The following TCIRG1 variants were observed in gnomAD, a reference collection of about 807,000 sequenced individuals.
TCIRG1 encodes the protein V-type proton ATPase 116 kDa subunit a 3.
A neutral mutation model predicts 95.5 loss-of-function variants in TCIRG1; 86 were observed. That is an observed-to-expected ratio of 0.90 (90% confidence interval 0.76 to 1.08). The LOEUF (loss-of-function observed/expected upper bound fraction) is 1.08. TCIRG1 is among the 50% of genes least tolerant of loss of function. TCIRG1 has a pLI of 0.00. For missense variants in TCIRG1, 1,069 were observed against 1,140.2 expected (o/e 0.94, Z 0.90); for synonymous variants, 499 against 501.3 (o/e 1.00, Z 0.06).
intron 9 of TCIRG1, 49 bp downstream of exon 9, chr11:68,044,393 G>A (rs928312145): frequency 9.5e-6 from 14 of 1,471,982 alleles, no homozygotes; most frequent in Middle Eastern, 4.6e-4. Context: ...CTCCTACCAG[G>A]CCGGGGCGTT....
intron 13 of TCIRG1, among the ~76,000 whole-genome samples, chr11:68,048,553 C>T (rs555331073): frequency 1.1e-4 from 16 of 152,324 alleles, no homozygotes; most frequent in South Asian, 4.1e-4. Context: ...TTCAGCCTCT[C>T]GAAGTGCTGG....
rs754896714 is a variant in TCIRG1 at position 68,042,993 on chromosome 11, C to T, written c.465C>T (p.Leu155=). 1 of 1,553,904 alleles carries T rather than the reference C, an allele frequency of 6.4e-7. No individual in the cohort carries two copies. Among genetic ancestry groups the T allele is most frequent in the Admixed American group, 1.9e-5 (1 of 51,946 alleles). Residue 155 remains leucine (L), a synonymous_variant, in exon 5 of 20, where the codon CTC becomes CTT. Coordinates refer to ENST00000265686, the MANE Select transcript of TCIRG1 (RefSeq NM_006019.4). ...TDGASERTPL[L]QAPGGPHQDL... ...GGGCCTCAGAGAGGACGCCCCTGCT[C>T]CAGGCCCCCGGGGGGCCGCACCAGG...
rs1355993726 is a variant in TCIRG1, at chr11:68,049,798, G to A, written c.2013+10G>A. The A allele has an allele frequency of 6.4e-7, 1 of 1,566,052 alleles. No individual in the cohort carries two copies. Among genetic ancestry groups the A allele is most frequent in the Admixed American group, 1.9e-5 (1 of 53,262 alleles). On this transcript the variant is annotated intron_variant, in intron 16 of 19. Transcript: ENST00000265686. ...GCCCGCTGACCGACAGGTGGGACCGGGGCCTAAGGTGTGGGGGGCTGCTTG... is the reference window on the plus strand; with the variant it reads ...GCCCGCTGACCGACAGGTGGGACCGAGGCCTAAGGTGTGGGGGGCTGCTTG...
At chr11:68,039,928 CCTT>C (rs946182916) in intron 1 of TCIRG1, 38 of 152,336 alleles carry the variant, frequency 2.5e-4, no homozygotes, top group African/African-American at 9.2e-4. Context: ...CCCCACACCT[CCTT>C]ATTTGGCCAG....
chr11:68,039,950 CA>C (rs1855080447), intron 1 of TCIRG1: 1 of 152,388 alleles, frequency 6.6e-6, no homozygotes, highest in Admixed American at 6.5e-5. Context: ...AGCACAGCCC[CA>C]AAGGGAGCCA....
Position 68,042,626 on chromosome 11 carries a change from C to A in TCIRG1, c.197-17C>A. ...GACAACCTCAACTGCACCCCACTCCCGTTCCTCTGCGCCCAGCCTTCCTGC... is the reference window on the plus strand; with the variant it reads ...GACAACCTCAACTGCACCCCACTCCAGTTCCTCTGCGCCCAGCCTTCCTGC... On this transcript the variant is annotated splice_polypyrimidine_tract_variant and intron_variant, in intron 3 of 19. Coordinates refer to ENST00000265686, the MANE Select transcript of TCIRG1 (RefSeq NM_006019.4). 1 of 1,544,986 alleles carries A rather than the reference C, an allele frequency of 6.5e-7. No homozygotes were observed. The highest frequency in any genetic ancestry group is 8.7e-7 in the Non-Finnish European group (1 of 1,144,206).
downstream of TCIRG1, chr11:68,053,649 G>A: frequency 3.8e-6 from 1 of 263,176 alleles, no homozygotes; most frequent in Non-Finnish European, 7.3e-6. Context: ...GTACCTGCAA[G>A]TAACACTGCT....
intron 13 of TCIRG1, chr11:68,048,455 G>C: frequency 2.9e-6 from 1 of 341,990 alleles, no homozygotes; most frequent in South Asian, 2.4e-5. Flanking sequence ...CACCATGCCT[G>C]GCTAATTTCT....
rs200733900 is a variant in TCIRG1, at chr11:68,050,670, C to T, written c.2414+6C>T. The T allele has an allele frequency of 3.8e-4, 609 of 1,613,292 alleles. No individual in the cohort carries two copies. The highest frequency in any genetic ancestry group is 4.8e-4 in the Non-Finnish European group (568 of 1,180,004). ...CACGCCCTGCGGCTGCACTGGTGAG[C>T]GACCACCCACTGGCCTGGGCTGCTC... On this transcript the variant is annotated splice_donor_region_variant and intron_variant, in intron 19 of 19. Transcript: ENST00000265686.
chr11:68,046,069 G>C (rs1389882172), intron 10 of TCIRG1, among the ~76,000 whole-genome samples: 1 of 152,234 alleles, frequency 6.6e-6, no homozygotes, highest in Non-Finnish European at 1.5e-5. Context: ...CTGGAGGCCC[G>C]TGGCAGATAG....
In TCIRG1 at chr11:68,047,742, C is replaced by T. The variant is rs763673772; in HGVS notation, c.1401C>T (p.Arg467=). 24 of 1,613,160 alleles carry T rather than the reference C, an allele frequency of 1.5e-5. No individual in the cohort carries two copies. Among genetic ancestry groups the T allele is most frequent in the Middle Eastern group, 3.3e-4 (2 of 6,082 alleles). ...TCATCTACAACGAGTGCTTCAGTCGCGCCACCAGCATCTTCCCCTCGGGCT... is the reference window on the plus strand; with the variant it reads ...TCATCTACAACGAGTGCTTCAGTCGTGCCACCAGCATCTTCCCCTCGGGCT... ...TGFIYNECFS[R]ATSIFPSGWS... The change falls in exon 12 of 20, where the codon CGC becomes CGT. Residue 467 remains arginine (R), a synonymous_variant. Coordinates refer to ENST00000265686, the MANE Select transcript of TCIRG1 (RefSeq NM_006019.4).
intron 1 of TCIRG1, among the ~76,000 whole-genome samples, chr11:68,039,511 C>T (rs1855060545): frequency 6.6e-6 from 1 of 152,194 alleles, no homozygotes; most frequent in Non-Finnish European, 1.5e-5. Context: ...AGACCCTCTC[C>T]TACTGCCTTC....
rs369088913 is a variant in TCIRG1, at chr11:68,040,529, C to A, written c.-4-739C>A. ...CTGTCCCCTCCCCCTAATTTTCGAG[C>A]TAAGCAACTGATTCCCACAGAGGGG... On this transcript the variant is annotated intron_variant, in intron 1 of 19. Transcript: ENST00000265686. Among the ~76,000 whole-genome samples the A allele has an allele frequency of 2.6e-5, 4 of 152,346 alleles. No homozygotes were observed. The East Asian group carries it at 7.7e-4, about 29-fold the overall frequency.
In TCIRG1 at chr11:68,047,817, C is replaced by A; in HGVS notation, c.1463+13C>A. On this transcript the variant is annotated intron_variant, in intron 12 of 19. Transcript: ENST00000265686. ...AGTCTGGCTGGAGGTGAGGCCCGGG[C>A]CCCAGCCCGGCTGGGGGCCCCGCAG... is the stretch of plus-strand genomic sequence containing the variant. 1 of 1,612,228 alleles carries A rather than the reference C, an allele frequency of 6.2e-7. No individual in the cohort carries two copies. Among genetic ancestry groups the A allele is most frequent in the Non-Finnish European group, 8.5e-7 (1 of 1,179,402 alleles).
chr11:68,049,941 C>A (rs374382508), intron 16 of TCIRG1, 21 bp from the exon 17 acceptor site: 5 of 1,599,808 alleles, frequency 3.1e-6, no homozygotes, highest in Non-Finnish European at 4.3e-6. Context: ...GTGCTGCCAA[C>A]ACTGCCTGCT....
chr11:68,051,762 G>T (rs1466290224), downstream of TCIRG1, among the ~76,000 whole-genome samples: 1 of 152,224 alleles, frequency 6.6e-6, no homozygotes, highest in Non-Finnish European at 1.5e-5. Context: ...GCTAAATGAA[G>T]GACTCCGGAG....
intron 18 of TCIRG1, 74 bp downstream of exon 18, chr11:68,050,328 C>T: frequency 6.3e-7 from 1 of 1,598,632 alleles, no homozygotes; most frequent in Non-Finnish European, 8.5e-7. Context: ...GGGCGGGTTG[C>T]TTCTCTCTGG....
rs1325811983 is a variant in TCIRG1, at chr11:68,042,986, C to T, written c.458C>T (p.Pro153Leu). ...ACAGATGGGGCCTCAGAGAGGACGCCCCTGCTCCAGGCCCCCGGGGGGCCG... is the reference window on the plus strand; with the variant it reads ...ACAGATGGGGCCTCAGAGAGGACGCTCCTGCTCCAGGCCCCCGGGGGGCCG... Reference protein sequence around the residue: ...AHTDGASERTPLLQAPGGPHQ... With the variant: ...AHTDGASERTLLLQAPGGPHQ... Residue 153 changes from proline (P) to leucine (L), a missense_variant, in exon 5 of 20, where the codon CCC becomes CTC. Pro to Leu is a moderately conservative substitution (Grantham distance 98). Coordinates refer to ENST00000265686, the MANE Select transcript of TCIRG1 (RefSeq NM_006019.4). 6.4e-7 allele frequency: 1 copy of T among 1,554,776 alleles called. No individual in the cohort carries two copies. The highest frequency in any genetic ancestry group is 8.7e-7 in the Non-Finnish European group (1 of 1,149,270).
In TCIRG1 at chr11:68,049,998, G is replaced by C. The variant is rs550481991; in HGVS notation, c.2050G>C (p.Ala684Pro). ...GGCCGGGTTGCTGGACCTGCCTGACGCATCTGTGAATGGCTGGAGCTCCGA... is the reference window on the plus strand; with the variant it reads ...GGCCGGGTTGCTGGACCTGCCTGACCCATCTGTGAATGGCTGGAGCTCCGA... ...NKAGLLDLPDASVNGWSSDEE... is the reference protein window; with the variant it reads ...NKAGLLDLPDPSVNGWSSDEE... The change falls in exon 17 of 20, where the codon GCA (alanine) becomes CCA (proline). Residue 684 changes from alanine (A) to proline (P), a missense_variant. Physicochemically the swap from Ala to Pro is conservative, Grantham distance 27. Coordinates refer to ENST00000265686, the MANE Select transcript of TCIRG1 (RefSeq NM_006019.4). 4 of 1,612,870 alleles carry C rather than the reference G, an allele frequency of 2.5e-6. No homozygotes were observed. Among genetic ancestry groups the C allele is most frequent in the Admixed American group, 1.7e-5 (1 of 59,978 alleles).
Sources: gnomAD v4.1 joint callset for allele counts (sites outside exome capture counted in the v4.1 genomes callset) on GRCh38, gnomAD v4.1.1 for gene constraint, MANE v1.5 for transcripts, NCBI Gene and HGNC (gene_info 2026-07-23, HGNC 2026-07-21) for gene names.